DNAI7: variants seen among roughly 807,000 people sequenced by gnomAD.
DNAI7 encodes dynein axonemal intermediate chain 7.
A neutral mutation model predicts 86.6 loss-of-function variants in DNAI7; 78 were observed. That is an observed-to-expected ratio of 0.90 (90% CI 0.75 to 1.09). The LOEUF (loss-of-function observed/expected upper bound fraction) is 1.09. DNAI7 is among the 50% of genes least tolerant of loss of function. DNAI7 has a pLI of 0.00. For missense variants in DNAI7, 753 were observed against 810.2 expected (o/e 0.93, Z 0.86); for synonymous variants, 274 against 273.0 (o/e 1.00, Z -0.04).
chr12:25,118,480 G>A (rs971325197), intron 12 of DNAI7, among the ~76,000 whole-genome samples: 10 of 150,462 alleles, frequency 6.6e-5, no homozygotes, highest in Admixed American at 6.6e-4. Context: ...CCAGGCTAAT[G>A]TCAAACTCCT....
chr12:25,182,830 G>T (rs1378611270), intron 2 of DNAI7, among the ~76,000 whole-genome samples: 4 of 151,972 alleles, frequency 2.6e-5, no homozygotes, highest in Non-Finnish European at 5.9e-5. Context: ...AGGCTGAGGT[G>T]GGAGGATCGC....
intron 9 of DNAI7, among the ~76,000 whole-genome samples, chr12:25,131,667 C>T (rs1169310323): frequency 6.6e-6 from 1 of 152,148 alleles, no homozygotes; most frequent in East Asian, 1.9e-4. Flanking sequence ...TGAAGAGGAT[C>T]TTAAGTATCT....
chr12:25,183,362 G>T (rs979175087), intron 2 of DNAI7, among the ~76,000 whole-genome samples: 1 of 151,706 alleles, frequency 6.6e-6, no homozygotes, highest in African/African-American at 2.4e-5. Context: ...CCTGTACGTG[G>T]GTATATTGGG....
In DNAI7 at chr12:25,174,601, TATGA is replaced by T. The variant is rs1565812898; in HGVS notation, c.22-13408_22-13405del. ...ATATATCATATATATGGGATATATA[TATGA>T]TATATATATCATATATATGGGATAT... On this transcript the variant is annotated intron_variant, in intron 2 of 15. Transcript: ENST00000395987. Among the ~76,000 whole-genome samples, 284 of 126,424 alleles carry T rather than the reference TATGA, an allele frequency of 2.2e-3. 38 individuals are homozygous for T. The East Asian group carries it at 0.025, about 11-fold the overall frequency. The allele number at this position is 126,424 out of a possible 152,430, so 82.9% of individuals were successfully genotyped here.
chr12:25,164,316 C>A (rs1386808873), intron 2 of DNAI7, among the ~76,000 whole-genome samples: 1 of 152,060 alleles, frequency 6.6e-6, no homozygotes, highest in East Asian at 1.9e-4. Context: ...TACCCCTTCT[C>A]CACTTTTCTG....
chr12:25,116,454 T>C (rs1262008317), intron 12 of DNAI7, among the ~76,000 whole-genome samples: 1 of 152,206 alleles, frequency 6.6e-6, no homozygotes, highest in Non-Finnish European at 1.5e-5. Context: ...AGTGAAATTA[T>C]TCCCCTGAAT....
chr12:25,177,323 T>TAAAC (rs1463129414), intron 2 of DNAI7, among the ~76,000 whole-genome samples: 5 of 152,208 alleles, frequency 3.3e-5, no homozygotes, highest in Non-Finnish European at 5.9e-5. Flanking sequence ...TGTATACCAT[T>TAAAC]AAACAATAGC....
chr12:25,193,248 G>A (rs1202755658), intron 1 of DNAI7, among the ~76,000 whole-genome samples: 1 of 152,082 alleles, frequency 6.6e-6, no homozygotes, highest in Non-Finnish European at 1.5e-5. Flanking sequence ...GATTTTATTA[G>A]TTAAATTAAG....
chr12:25,154,854 A>G (rs142718207), intron 5 of DNAI7, among the ~76,000 whole-genome samples: 326 of 152,306 alleles, frequency 2.1e-3, no homozygotes, highest in Middle Eastern at 0.014. Flanking sequence ...CCTTCCATTC[A>G]TTTTGTAGTT....
At chr12:25,166,976 C>T (rs1444296006) in intron 2 of DNAI7, among the ~76,000 whole-genome samples, 4 of 152,124 alleles carry the variant, frequency 2.6e-5, no homozygotes, top group South Asian at 2.1e-4. Context: ...TACCATTGTT[C>T]CTGGCCCAGA....
intron 6 of DNAI7, 37 bp downstream of exon 6, chr12:25,154,282 T>C (rs994080256): frequency 6.5e-7 from 1 of 1,533,228 alleles, no homozygotes; most frequent in Admixed American, 2.3e-5. Context: ...AGACTATTTG[T>C]AATAGCCAGT....
intron 9 of DNAI7, among the ~76,000 whole-genome samples, chr12:25,140,972 G>A (rs1022100101): frequency 5.3e-5 from 8 of 152,062 alleles, no homozygotes; most frequent in East Asian, 1.9e-4. Context: ...AAGGACACCC[G>A]ATTCAACAAA....
At chr12:25,179,809 A>G (rs920947296) in intron 2 of DNAI7, among the ~76,000 whole-genome samples, 3 of 152,124 alleles carry the variant, frequency 2.0e-5, no homozygotes, top group Non-Finnish European at 4.4e-5. Flanking sequence ...AGAACCATCT[A>G]TGTATGACAA....
intron 7 of DNAI7, 57 bp downstream of exon 7, chr12:25,149,571 T>C: frequency 2.4e-6 from 3 of 1,239,612 alleles, no homozygotes; most frequent in Non-Finnish European, 3.4e-6. Context: ...GATTATTTTA[T>C]AACATAAAAT....
In DNAI7 at chr12:25,190,608, AC is replaced by A; in HGVS notation, c.21+5del. 1 of 1,382,048 alleles carries A rather than the reference AC, an allele frequency of 7.2e-7. No homozygotes were observed. Among genetic ancestry groups the A allele is most frequent in the South Asian group, 1.4e-5 (1 of 71,002 alleles). 85.6% of individuals were successfully genotyped at this position (1,382,048 alleles called of 1,614,324 possible). A position where few individuals can be genotyped will look rare whatever the true frequency, so the allele number is the denominator to read the frequency against. On this transcript the variant is annotated splice_donor_5th_base_variant and intron_variant, in intron 2 of 15. Coordinates refer to ENST00000395987, the MANE Select transcript of DNAI7 (RefSeq NM_018272.5). ...AACTATCTATTTTGAAAAAAATTCT[AC>A]ATACCTTTTTTGCTTTGGGACCCTA...
At chr12:25,116,459 C>T (rs1389610154) in intron 12 of DNAI7, among the ~76,000 whole-genome samples, 1 of 152,072 alleles carries the variant, frequency 6.6e-6, no homozygotes, top group African/African-American at 2.4e-5. Context: ...AATTATTCCC[C>T]TGAATTGTGT....
At position 25,144,641 on chromosome 12, in the gene DNAI7, T is replaced by G; in HGVS notation, c.726A>C (p.Gly242=). ...RSVRFSETQI[G]FEIPRILATS... is the part of the protein sequence containing the mutation. The stretch of plus-strand genomic sequence containing the variant: ...TTGCTAATATCCTTGGAATCTCAAA[T>G]CCAATTTGTGTTTCAGAGAATCTAA... Residue 242 remains glycine (G), a synonymous_variant, in exon 9 of 16, where the codon GGA becomes GGC. Transcript: ENST00000395987. 1 of 1,613,922 alleles carries G rather than the reference T, an allele frequency of 6.2e-7. No individual in the cohort carries two copies. Among genetic ancestry groups the G allele is most frequent in the Non-Finnish European group, 8.5e-7 (1 of 1,179,926 alleles).
In DNAI7 at chr12:25,195,137, A is replaced by G; in HGVS notation, c.-59T>C. On this transcript the variant is annotated 5_prime_UTR_variant, in exon 1 of 16. Transcript: ENST00000395987. ...GTCGGAGCAGAAATTGTGTGGACAA[A>G]CGCTCCCGGGTTGCCCGGACGACAG... 4 of 1,580,354 alleles carry G rather than the reference A, an allele frequency of 2.5e-6. No homozygotes were observed. Among genetic ancestry groups the G allele is most frequent in the Non-Finnish European group, 3.5e-6 (4 of 1,149,966 alleles).
At chr12:25,124,325 C>T (rs970077289) in intron 9 of DNAI7, among the ~76,000 whole-genome samples, 3 of 151,974 alleles carry the variant, frequency 2.0e-5, no homozygotes, top group African/African-American at 7.3e-5. Flanking sequence ...CCCTTTCCAT[C>T]ATGCCTCTGA....
Sources: allele counts gnomAD v4.1 joint callset (sites outside exome capture counted in the v4.1 genomes callset), GRCh38; gene constraint gnomAD v4.1.1; transcripts MANE v1.5; gene names NCBI Gene and HGNC (gene_info 2026-07-23, HGNC 2026-07-21).